IL3RA: variants seen among roughly 807,000 people sequenced by gnomAD.
The protein encoded by IL3RA is interleukin 3 receptor subunit alpha, also known as interleukin-3 receptor subunit alpha.
IL3RA carries 73 observed loss-of-function variants against 52.3 expected under a neutral mutation model. The observed-to-expected ratio is 1.40, with a 90% CI of 1.16 to 1.70. IL3RA has a LOEUF of 1.70. Ranked by LOEUF, IL3RA falls within the 40% of genes most tolerant of loss-of-function variation. IL3RA has a pLI of 0.00. For synonymous variants in IL3RA, 260 were observed against 194.0 expected (o/e 1.34, Z -2.83); for missense variants, 664 against 504.4 (o/e 1.32, Z -3.03).
chrX:1,368,489 G>T (rs1484525132), intron 9 of IL3RA, among the ~76,000 whole-genome samples: 1 of 152,158 alleles, frequency 6.6e-6, no homozygotes, highest in Non-Finnish European at 1.5e-5. Flanking sequence ...GGGAGGCTGA[G>T]GCAGGAGAAT....
intron 10 of IL3RA, among the ~76,000 whole-genome samples, chrX:1,380,176 G>T (rs2089075504): frequency 6.6e-6 from 1 of 151,554 alleles, no homozygotes; most frequent in Admixed American, 6.6e-5. Flanking sequence ...TGACAGGCGT[G>T]TGCCACCATG....
At chrX:1,365,299 TGC>T (rs769994241) in intron 9 of IL3RA, 47 bp downstream of exon 9, 1 of 1,146,736 alleles carries the variant, frequency 8.7e-7, no homozygotes, top group Non-Finnish European at 1.2e-6. Context: ...GTGAGCGGGG[TGC>T]GCGGGGTGAG....
chrX:1,338,397 A>G (rs1184042883), intron 1 of IL3RA, among the ~76,000 whole-genome samples: 5 of 152,184 alleles, frequency 3.3e-5, no homozygotes, highest in Non-Finnish European at 7.3e-5. Context: ...AATGTGGTCC[A>G]GCCACACGGT....
chrX:1,350,373 T>C (rs1419573101), intron 4 of IL3RA, among the ~76,000 whole-genome samples: 5 of 146,744 alleles, frequency 3.4e-5, no homozygotes, highest in Non-Finnish European at 7.5e-5. Flanking sequence ...GCGGATCACC[T>C]GAGGTCAGGA....
At chrX:1,347,535 C>G (rs1462678161) in intron 3 of IL3RA, among the ~76,000 whole-genome samples, 1 of 151,564 alleles carries the variant, frequency 6.6e-6, no homozygotes, top group Non-Finnish European at 1.5e-5. Context: ...AGGAGAATTG[C>G]TTGAACCCGA....
intron 10 of IL3RA, among the ~76,000 whole-genome samples, chrX:1,380,437 A>G (rs866156324): frequency 6.4e-4 from 1 of 1,574 alleles, no homozygotes; most frequent in East Asian, 9.4e-3. Context: ...GGGAGGGGGA[A>G]GGGGAAGAGG....
chrX:1,343,775 C>T (rs1200670915), intron 2 of IL3RA, among the ~76,000 whole-genome samples: 1 of 128,848 alleles, frequency 7.8e-6, no homozygotes, highest in Non-Finnish European at 1.6e-5. Flanking sequence ...TTCTTTCTTT[C>T]TTTTTTTTTT....
rs532177627 is a variant in IL3RA at position 1,352,412 on chromosome X, C to T, written c.522C>T (p.Ser174=). ...GTTTCGATGACATCTCTCGACTCTC[C>T]AGCGGTTCTCAAAGTTCCCACATCC... ...GCRFDDISRL[S]SGSQSSHILV... is the part of the protein sequence containing the mutation. The change falls in exon 6 of 12, where the codon TCC becomes TCT. Residue 174 remains serine (S), a synonymous_variant. Transcript: ENST00000331035. 4.3e-6 allele frequency: 7 copies of T among 1,613,898 alleles called. No individual in the cohort carries two copies. In the Middle Eastern group the frequency reaches 5.0e-4, roughly 114 times the overall value.
At chrX:1,362,341 A>C (rs1159249358) in intron 8 of IL3RA, among the ~76,000 whole-genome samples, 93 of 98,874 alleles carry the variant, frequency 9.4e-4, no homozygotes, top group Admixed American at 1.3e-3. Flanking sequence ...GTCTGTTTCT[A>C]TCTCTGTCTC....
intron 7 of IL3RA, among the ~76,000 whole-genome samples, chrX:1,356,852 AT>A (rs1363019703): frequency 1.6e-4 from 24 of 151,490 alleles, no homozygotes; most frequent in African/African-American, 4.8e-4. Flanking sequence ...TGGTTTTTTA[AT>A]TTTTTCTTGA....
chrX:1,352,444 G>A lies in IL3RA; in HGVS notation c.554G>A (p.Arg185Gln), dbSNP rs763011088. The change falls in exon 6 of 12, where the codon CGG becomes CAG. Residue 185 changes from arginine (R) to glutamine (Q), a missense_variant. Transcript: ENST00000331035. ...TCTCAAAGTTCCCACATCCTGGTGC[G>A]GGGCAGGAGCGCAGCCTTCGGTATC... The part of the protein sequence containing the change: ...SGSQSSHILV[R>Q]GRSAAFGIPC... The A allele has an allele frequency of 6.2e-6, 10 of 1,613,820 alleles. No individual in the cohort carries two copies. The Admixed American group carries it at 6.7e-5, about 11-fold the overall frequency.
chrX:1,377,706 C>T (rs1335922921), intron 9 of IL3RA, among the ~76,000 whole-genome samples: 1 of 140,252 alleles, frequency 7.1e-6, no homozygotes, highest in Non-Finnish European at 1.5e-5. Flanking sequence ...CTCTCTATTG[C>T]CCAGGCTGGA....
At chrX:1,343,959 C>G (rs1332111551) in intron 2 of IL3RA, among the ~76,000 whole-genome samples, 1 of 151,626 alleles carries the variant, frequency 6.6e-6, no homozygotes, top group African/African-American at 2.4e-5. Flanking sequence ...CCACGCCCAA[C>G]TAATTTTTGT....
At chrX:1,358,953 GAAT>G in intron 8 of IL3RA, 66 bp downstream of exon 8, 13 of 1,128,314 alleles carry the variant, frequency 1.2e-5, no homozygotes, top group Non-Finnish European at 1.4e-5. Context: ...TTATTATTAA[GAAT>G]AAAATGATAA....
chrX:1,377,888 A>C (rs1372513532), intron 9 of IL3RA, among the ~76,000 whole-genome samples: 19 of 150,104 alleles, frequency 1.3e-4, no homozygotes, highest in Non-Finnish European at 1.0e-4. Context: ...AAAAAAAAAG[A>C]AAAAAGAAAA....
At chrX:1,352,587 A>T in intron 6 of IL3RA, 81 bp downstream of exon 6, 1 of 1,406,140 alleles carries the variant, frequency 7.1e-7, no homozygotes, top group Non-Finnish European at 9.8e-7. Flanking sequence ...CCACGGGACC[A>T]CGTGGCTCCC....
chrX:1,368,576 G>C (rs1433854506), intron 9 of IL3RA, among the ~76,000 whole-genome samples: 1 of 152,178 alleles, frequency 6.6e-6, no homozygotes, highest in Non-Finnish European at 1.5e-5. Flanking sequence ...ACTGTGTTTG[G>C]AGTTGGGGTG....
At chrX:1,349,200 T>TTGG (rs1386845201) in intron 4 of IL3RA, among the ~76,000 whole-genome samples, 3 of 150,846 alleles carry the variant, frequency 2.0e-5, no homozygotes, top group Non-Finnish European at 4.4e-5. Flanking sequence ...TTTTTTTTTT[T>TTGG]AGACAGAGTC....
At chrX:1,360,304 G>C (rs1266496058) in intron 8 of IL3RA, among the ~76,000 whole-genome samples, 6 of 16,950 alleles carry the variant, frequency 3.5e-4, no homozygotes, top group African/African-American at 6.9e-4. Flanking sequence ...CCCTCTCCCT[G>C]TCTCTCTGTG....
Sources: allele counts gnomAD v4.1 joint callset (sites outside exome capture counted in the v4.1 genomes callset), GRCh38; gene constraint gnomAD v4.1.1; transcripts MANE v1.5; gene names NCBI Gene and HGNC (gene_info 2026-07-23, HGNC 2026-07-21).